The following FER variants were observed in gnomAD, a reference collection of about 807,000 sequenced individuals.
FER encodes tyrosine-protein kinase Fer.
A neutral mutation model predicts 111.0 loss-of-function variants in FER; 63 were observed. The ratio of observed to expected loss-of-function variants is 0.57; its 90% CI spans 0.46 to 0.70. The LOEUF is 0.70. Ranked by LOEUF, FER falls within the 30% of genes least tolerant of loss-of-function variation. FER has a pLI of 0.00. For missense variants in FER, 914 were observed against 954.0 expected (o/e 0.96, Z 0.55); for synonymous variants, 327 against 313.9 (o/e 1.04, Z -0.44).
At chr5:108,827,511 T>G (rs559584344) in intron 3 of FER, among the ~76,000 whole-genome samples, 2 of 152,332 alleles carry the variant, frequency 1.3e-5, no homozygotes, top group Admixed American at 1.3e-4. Flanking sequence ...TCTATGGTTA[T>G]TTCTCTTTTC....
intron 5 of FER, among the ~76,000 whole-genome samples, chr5:108,851,596 A>T (rs1762552379): frequency 6.6e-6 from 1 of 152,218 alleles, no homozygotes; most frequent in Non-Finnish European, 1.5e-5. Flanking sequence ...AATATAATGC[A>T]TGCCAATTTT....
chr5:108,946,065 ACATAAATGT>A, intron 10 of FER, 56 bp from the exon 11 acceptor site: 1 of 1,093,960 alleles, frequency 9.1e-7, no homozygotes. Context: ...GTACCTAAAT[ACATAAATGT>A]CTATACATAT....
At chr5:109,146,794 T>G (rs1375795124) in intron 17 of FER, among the ~76,000 whole-genome samples, 1 of 152,092 alleles carries the variant, frequency 6.6e-6, no homozygotes, top group Non-Finnish European at 1.5e-5. Context: ...ATATGGTAAG[T>G]ATGGCATTGG....
chr5:109,041,471 G>T (rs981889154), intron 14 of FER, among the ~76,000 whole-genome samples: 3 of 151,996 alleles, frequency 2.0e-5, no homozygotes, highest in African/African-American at 7.2e-5. Flanking sequence ...AAAAAAAAGA[G>T]GAAGTAAGCT....
intron 1 of FER, among the ~76,000 whole-genome samples, chr5:108,759,936 C>T (rs191056538): frequency 7.9e-5 from 12 of 152,252 alleles, no homozygotes; most frequent in Admixed American, 2.0e-4. Flanking sequence ...GGAAACAGCC[C>T]ACAGAGATAT....
At chr5:108,836,946 A>G (rs553190314) in intron 5 of FER, among the ~76,000 whole-genome samples, 3 of 152,186 alleles carry the variant, frequency 2.0e-5, no homozygotes, top group South Asian at 2.1e-4. Context: ...GGGAAGTTGT[A>G]TGCATATTCA....
chr5:109,012,419 T>A (rs1393352636), intron 13 of FER, among the ~76,000 whole-genome samples: 2 of 152,256 alleles, frequency 1.3e-5, no homozygotes, highest in Non-Finnish European at 2.9e-5. Context: ...TAAAGTTTTA[T>A]GTACGTATTT....
At chr5:108,883,897 GTC>G (rs1765920006) in intron 9 of FER, among the ~76,000 whole-genome samples, 2 of 151,878 alleles carry the variant, frequency 1.3e-5, no homozygotes, top group Admixed American at 1.3e-4. Context: ...CCTATAAATA[GTC>G]TCTACTCTGT....
At chr5:109,104,355 G>C (rs1022153325) in intron 17 of FER, among the ~76,000 whole-genome samples, 5 of 152,152 alleles carry the variant, frequency 3.3e-5, no homozygotes. Context: ...GCCCTCAGAT[G>C]GATAGAACAA....
intron 13 of FER, among the ~76,000 whole-genome samples, chr5:108,961,690 T>A (rs73778336): frequency 0.14 from 21,456 of 152,134 alleles, 1,954 homozygotes; most frequent in African/African-American, 0.26. Flanking sequence ...GATTTAAAGG[T>A]TCATGTTGCT....
At chr5:109,139,443 C>T (rs140573358) in intron 17 of FER, among the ~76,000 whole-genome samples, 58 of 150,024 alleles carry the variant, frequency 3.9e-4, no homozygotes, top group Non-Finnish European at 6.6e-4. Context: ...CTCCACTTCC[C>T]GGTTCCAAGC....
At chr5:109,036,799 A>C (rs1299209669) in intron 13 of FER, among the ~76,000 whole-genome samples, 1 of 151,964 alleles carries the variant, frequency 6.6e-6, no homozygotes, top group Non-Finnish European at 1.5e-5. Context: ...TCTAGTAATC[A>C]GTTCTTGAGA....
At chr5:109,067,267 T>C (rs867066999) in intron 16 of FER, among the ~76,000 whole-genome samples, 3 of 150,546 alleles carry the variant, frequency 2.0e-5, no homozygotes, top group African/African-American at 2.4e-5. Context: ...GTTGTTGCTG[T>C]TGCTGCTGCT....
At chr5:108,938,706 A>T (rs1015789337) in intron 10 of FER, among the ~76,000 whole-genome samples, 1 of 152,026 alleles carries the variant, frequency 6.6e-6, no homozygotes, top group Non-Finnish European at 1.5e-5. Flanking sequence ...ACAAGACTTA[A>T]GAGTTCCAGT....
At chr5:109,015,697 C>G (rs537865530) in intron 13 of FER, among the ~76,000 whole-genome samples, 1 of 152,058 alleles carries the variant, frequency 6.6e-6, no homozygotes, top group South Asian at 2.1e-4. Flanking sequence ...TATGGTAATT[C>G]AAAATTAAAT....
intron 13 of FER, among the ~76,000 whole-genome samples, chr5:108,997,539 TGTCTCTTGCCTG>T (rs1764155854): frequency 6.6e-6 from 1 of 152,184 alleles, no homozygotes; most frequent in Non-Finnish European, 1.5e-5. Flanking sequence ...CCTTTATTTC[TGTCTCTTGCCTG>T]ATTGCCCTGG....
chr5:108,931,743 A>G (rs1754706509), intron 10 of FER, among the ~76,000 whole-genome samples: 1 of 151,922 alleles, frequency 6.6e-6, no homozygotes, highest in South Asian at 2.1e-4. Flanking sequence ...AGCAGGAGAA[A>G]CGCTTGAACC....
intron 16 of FER, among the ~76,000 whole-genome samples, chr5:109,049,066 G>T (rs1295848753): frequency 6.6e-6 from 1 of 152,144 alleles, no homozygotes; most frequent in East Asian, 1.9e-4. Flanking sequence ...GAATCATTTG[G>T]AAGTGTGTCT....
chr5:108,843,643 C>G (rs969855586), intron 5 of FER, among the ~76,000 whole-genome samples: 3 of 151,568 alleles, frequency 2.0e-5, no homozygotes, highest in Non-Finnish European at 2.9e-5. Context: ...AATTCTCCTC[C>G]TCAGCCTCCT....
Sources: gnomAD v4.1 joint callset for allele counts (sites outside exome capture counted in the v4.1 genomes callset) on GRCh38, gnomAD v4.1.1 for gene constraint, MANE v1.5 for transcripts, NCBI Gene and HGNC (gene_info 2026-07-23, HGNC 2026-07-21) for gene names.